Variants in UBE2E3 observed in about 807,000 individuals in gnomAD.
The protein encoded by UBE2E3 is ubiquitin conjugating enzyme E2 E3, also known as ubiquitin-conjugating enzyme E2 E3.
UBE2E3 carries 5 observed loss-of-function variants against 23.6 expected under a neutral mutation model. That is an observed-to-expected ratio of 0.21 (90% CI 0.11 to 0.44). The LOEUF (loss-of-function observed/expected upper bound fraction) is 0.44. Among genes scored for constraint, UBE2E3 ranks in the 20% least tolerant of loss-of-function variants. The pLI, the probability that UBE2E3 is intolerant of heterozygous loss-of-function variation, is 0.99. For missense variants in UBE2E3, 81 were observed against 249.8 expected (o/e 0.32, Z 4.55); for synonymous variants, 78 against 87.5 (o/e 0.89, Z 0.60).
intron 4 of UBE2E3, among the ~76,000 whole-genome samples, chr2:181,060,284 T>C (rs1022948695): frequency 3.3e-5 from 5 of 151,722 alleles, no homozygotes; most frequent in Admixed American, 6.6e-5. Context: ...CTTCATCAGT[T>C]CCTCTTACCT....
At chr2:181,049,313 A>C (rs1686759349) in intron 3 of UBE2E3, among the ~76,000 whole-genome samples, 1 of 152,074 alleles carries the variant, frequency 6.6e-6, no homozygotes, top group South Asian at 2.1e-4. Flanking sequence ...ATTTCACCAC[A>C]CCCACAGTTT....
intron 3 of UBE2E3, among the ~76,000 whole-genome samples, chr2:181,052,293 C>G (rs538935217): frequency 2.0e-5 from 3 of 151,804 alleles, no homozygotes; most frequent in African/African-American, 7.2e-5. Context: ...AGAATACAGT[C>G]GTAGGTTCTT....
intron 3 of UBE2E3, among the ~76,000 whole-genome samples, chr2:181,030,983 C>T (rs1376778821): frequency 2.0e-5 from 3 of 151,882 alleles, no homozygotes; most frequent in East Asian, 3.9e-4. Flanking sequence ...CGTTTGTTAC[C>T]TTTTCTATTT....
intron 3 of UBE2E3, among the ~76,000 whole-genome samples, chr2:181,028,803 TTCTC>T (rs747385433): frequency 1.3e-5 from 2 of 152,230 alleles, no homozygotes; most frequent in South Asian, 4.1e-4. Flanking sequence ...TGCAAAAATC[TTCTC>T]TCTGTTAATG....
In UBE2E3 at chr2:181,016,120, A is replaced by G. The variant is rs73037096; in HGVS notation, c.245+32027A>G. Among the ~76,000 whole-genome samples the G allele has an allele frequency of 2.4e-3, 368 of 152,214 alleles. 4 individuals are homozygous for G. Among genetic ancestry groups the G allele is most frequent in the African/African-American group, 8.3e-3 (346 of 41,556 alleles). On this transcript the variant is annotated intron_variant, in intron 3 of 5. Transcript: ENST00000410062. ...GACCTTGAAATAAATACTAGTGAAC[A>G]ATGTAGTGGGCCCGGTTTCAAATAA... is the stretch of plus-strand genomic sequence containing the variant.
intron 3 of UBE2E3, among the ~76,000 whole-genome samples, chr2:181,039,762 G>T (rs977599620): frequency 6.6e-6 from 1 of 152,114 alleles, no homozygotes; most frequent in Non-Finnish European, 1.5e-5. Flanking sequence ...TCATCCCGTG[G>T]TATCCTTGGG....
rs1049069762 is a variant in UBE2E3 at position 181,061,402 on chromosome 2, C to T, written c.526+590C>T. ...CCTCCCAAAGTGCTGGGATTACAGG[C>T]GTGAGCCACCGCGCCCGGCCGACCA... On this transcript the variant is annotated intron_variant, in intron 5 of 5. Transcript: ENST00000410062. 2.4e-4 allele frequency among the ~76,000 whole-genome samples: 2 copies of T among 8,216 alleles called. 1 individual carries two copies. The highest frequency in any genetic ancestry group is 0.034 in the East Asian group (2 of 58). The allele number at this position is 8,216 out of a possible 152,430, so 5.4% of individuals were successfully genotyped here. A position where few individuals can be genotyped will look rare whatever the true frequency, so the allele number is the denominator to read the frequency against.
chr2:181,016,197 A>G (rs953558888), intron 3 of UBE2E3, among the ~76,000 whole-genome samples: 2 of 152,062 alleles, frequency 1.3e-5, no homozygotes, highest in African/African-American at 4.8e-5. Flanking sequence ...AGCCTGGGCA[A>G]GACACTAACC....
At position 180,982,116 on chromosome 2, in the gene UBE2E3, G is replaced by A; in HGVS notation, c.74G>A (p.Arg25Gln). ...TSSGSSDADQ[R>Q]DPAAPEPEEQ... ...AGTGGCAGTTCAGATGCGGACCAGC[G>A]AGACCCAGCCGCTCCAGAGCCTGAA... The change falls in exon 2 of 6, where the codon CGA becomes CAA. Residue 25 changes from arginine to glutamine, a missense_variant. Transcript: ENST00000410062. 1 of 1,613,236 alleles carries A rather than the reference G, an allele frequency of 6.2e-7. No homozygotes were observed. The highest frequency in any genetic ancestry group is 8.5e-7 in the Non-Finnish European group (1 of 1,179,504).
At chr2:180,986,932 A>C (rs531301759) in intron 3 of UBE2E3, among the ~76,000 whole-genome samples, 15 of 152,162 alleles carry the variant, frequency 9.9e-5, no homozygotes, top group Admixed American at 9.2e-4. Context: ...TTCTTTAATT[A>C]GTATATAGTT....
intron 3 of UBE2E3, among the ~76,000 whole-genome samples, chr2:181,036,008 T>C (rs1686266905): frequency 6.6e-6 from 1 of 152,216 alleles, no homozygotes; most frequent in South Asian, 2.1e-4. Flanking sequence ...AAGTCAATCC[T>C]GATTTCTTGA....
chr2:181,033,773 G>T (rs1390961170), intron 3 of UBE2E3, among the ~76,000 whole-genome samples: 3 of 151,980 alleles, frequency 2.0e-5, no homozygotes, highest in Non-Finnish European at 2.9e-5. Context: ...ATTTTTGCAA[G>T]CTACCCATCT....
At chr2:181,006,876 T>A (rs1159970594) in intron 3 of UBE2E3, among the ~76,000 whole-genome samples, 1 of 152,212 alleles carries the variant, frequency 6.6e-6, no homozygotes. Context: ...AAGATACTAC[T>A]AAAATTACTT....
At chr2:181,036,584 A>AGGGGGTGT (rs1686293349) in intron 3 of UBE2E3, among the ~76,000 whole-genome samples, 1 of 152,112 alleles carries the variant, frequency 6.6e-6, no homozygotes, top group Non-Finnish European at 1.5e-5. Flanking sequence ...TGAGTGAGTG[A>AGGGGGTGT]GGGGGTGTGG....
chr2:180,990,133 G>A, intron 3 of UBE2E3: 1 of 834,092 alleles, frequency 1.2e-6, no homozygotes, highest in Admixed American at 3.0e-5. Flanking sequence ...CTTTTGATCA[G>A]TGGTTCTCAA....
intron 3 of UBE2E3, among the ~76,000 whole-genome samples, chr2:181,012,980 G>A (rs1314316695): frequency 7.2e-5 from 11 of 152,072 alleles, no homozygotes; most frequent in Non-Finnish European, 4.4e-5. Context: ...AAGGGATCAG[G>A]AAGACATGCA....
intron 3 of UBE2E3, among the ~76,000 whole-genome samples, chr2:181,035,807 G>A (rs1472871452): frequency 2.0e-5 from 3 of 152,140 alleles, no homozygotes; most frequent in Non-Finnish European, 4.4e-5. Flanking sequence ...TTGTTCCCAA[G>A]GGTTTTTACC....
chr2:181,055,917 T>G (rs1686975897), intron 3 of UBE2E3, among the ~76,000 whole-genome samples: 1 of 151,640 alleles, frequency 6.6e-6, no homozygotes, highest in African/African-American at 2.4e-5. Context: ...TATAAAGTAA[T>G]GGTGTGTTAA....
At chr2:181,044,557 C>T (rs1254156670) in intron 3 of UBE2E3, among the ~76,000 whole-genome samples, 1 of 152,006 alleles carries the variant, frequency 6.6e-6, no homozygotes, top group Non-Finnish European at 1.5e-5. Flanking sequence ...AGGCTTTATC[C>T]TAAGGAAGAT....
Sources: allele counts gnomAD v4.1 joint callset (sites outside exome capture counted in the v4.1 genomes callset), GRCh38; gene constraint gnomAD v4.1.1; transcripts MANE v1.5; gene names NCBI Gene and HGNC (gene_info 2026-07-23, HGNC 2026-07-21).